Variants in ABCC10 observed in about 807,000 individuals in gnomAD.
ABCC10 encodes ATP-binding cassette sub-family C member 10.
ABCC10 carries 110 observed loss-of-function variants against 143.2 expected under a neutral mutation model. The observed-to-expected ratio is 0.77, with a 90% CI of 0.66 to 0.90. The LOEUF (loss-of-function observed/expected upper bound fraction) is 0.90, where lower values mean the gene tolerates loss of function less well. ABCC10 is among the 40% of genes least tolerant of loss of function. The pLI, the probability that ABCC10 is intolerant of heterozygous loss-of-function variation, is 0.00. For synonymous variants in ABCC10, 805 were observed against 846.7 expected (o/e 0.95, Z 0.85); for missense variants, 1,700 against 1,900.5 (o/e 0.89, Z 1.96).
chr6:43,449,313 T>G (rs1229927496), intron 20 of ABCC10, 109 bp downstream of exon 20: 29 of 1,502,576 alleles, frequency 1.9e-5, no homozygotes, highest in Non-Finnish European at 2.2e-5. Context: ...CATTTTCCTT[T>G]TAGAGCTGGA....
chr6:43,449,388 CCTT>C (rs1783505205), intron 20 of ABCC10, 31 bp from the exon 21 acceptor site: 1 of 1,583,384 alleles, frequency 6.3e-7, no homozygotes, highest in Admixed American at 1.7e-5. Flanking sequence ...GCCTCTCCTT[CCTT>C]CTTATCCCCT....
At chr6:43,451,892 C>G, downstream of ABCC10, 1 of 1,608,680 alleles carries the variant, frequency 6.2e-7, no homozygotes, top group Non-Finnish European at 8.5e-7. The surrounding 1 kb of genome is among the most constrained non-coding windows in gnomAD (Gnocchi z 4.4). Flanking sequence ...CATCCCATCA[C>G]CAGGTTCTGG....
intron 2 of ABCC10, among the ~76,000 whole-genome samples, chr6:43,429,372 T>TTTTGTGTGTGTGTG (rs1780869728): frequency 1.3e-4 from 13 of 98,244 alleles, no homozygotes; most frequent in African/African-American, 5.6e-4. Flanking sequence ...CTTTTCTTTC[T>TTTTGTGTGTGTGTG]TGTGTGTGTG....
At chr6:43,442,821 G>A (rs1223272616) in intron 9 of ABCC10, 149 bp from the exon 10 acceptor site, 1 of 670,262 alleles carries the variant, frequency 1.5e-6, no homozygotes, top group Non-Finnish European at 2.4e-6. Flanking sequence ...CTTGCCTGAA[G>A]GGATGTCCAC....
intron 2 of ABCC10, 127 bp downstream of exon 2, chr6:43,428,266 T>C: frequency 8.9e-7 from 1 of 1,118,126 alleles, no homozygotes. Context: ...GAATAAAATC[T>C]AAGCATTGCT....
rs769348913 is a variant in ABCC10, at chr6:43,447,806, G to A, written c.3828G>A (p.Leu1276=). 3 of 1,613,460 alleles carry A rather than the reference G, an allele frequency of 1.9e-6. No homozygotes were observed. The African/African-American group carries it at 4.0e-5, about 22-fold the overall frequency. Residue 1276 remains leucine (L), a synonymous_variant, in exon 18 of 22, where the codon TTG becomes TTA. Coordinates refer to ENST00000372530, the MANE Select transcript of ABCC10 (RefSeq NM_001198934.2). ...VTFCVQPGEK[L]GIVGRTGSGK... ...TCTGCGTGCAGCCTGGAGAGAAGTT[G>A]GGCATCGTGGGCCGCACAGGCTCCG...
chr6:43,448,225 T>C (rs1439780890), intron 18 of ABCC10: 3 of 524,770 alleles, frequency 5.7e-6, no homozygotes, highest in African/African-American at 3.8e-5. Context: ...CCCAAGATAC[T>C]GATCCCCTGA....
intron 7 of ABCC10, 32 bp from the exon 8 acceptor site, chr6:43,438,592 G>C (rs1478630696): frequency 1.2e-6 from 2 of 1,609,530 alleles, no homozygotes; most frequent in Non-Finnish European, 1.7e-6. Flanking sequence ...GAGGAGAGCT[G>C]GTCCTCATAT....
At chr6:43,442,308 G>T (rs906647380) in intron 9 of ABCC10, among the ~76,000 whole-genome samples, 1 of 152,072 alleles carries the variant, frequency 6.6e-6, no homozygotes, top group African/African-American at 2.4e-5. Flanking sequence ...AAGTTAGTTG[G>T]TGTAATCCTA....
At chr6:43,439,406 AT>A (rs11386275) in intron 8 of ABCC10, among the ~76,000 whole-genome samples, 10,704 of 148,256 alleles carry the variant, frequency 0.072, 512 homozygotes, top group Non-Finnish European at 0.11. Context: ...AAATTGATTA[AT>A]TTTTTTTTTT....
At chr6:43,451,182 C>T (rs146281594), downstream of ABCC10, 76 of 1,614,036 alleles carry the variant, frequency 4.7e-5, no homozygotes, top group African/African-American at 9.1e-4. This position sits in a 1 kb window ranked among gnomAD's most constrained non-coding sequence, Gnocchi z 4.4. Context: ...TACCTCACAG[C>T]GGGCACCCAC....
At chr6:43,437,808 A>G (rs1781911501) in intron 6 of ABCC10, 126 bp from the exon 7 acceptor site, 2 of 883,946 alleles carry the variant, frequency 2.3e-6, no homozygotes, top group Admixed American at 4.4e-5. Flanking sequence ...TTCCCTACAC[A>G]CTAAAGAAAG....
At chr6:43,441,279 C>T (rs897002878) in intron 8 of ABCC10, among the ~76,000 whole-genome samples, 1 of 151,908 alleles carries the variant, frequency 6.6e-6, no homozygotes, top group African/African-American at 2.4e-5. Context: ...AGATCGAGAC[C>T]ATCCTGGCTA....
intron 14 of ABCC10, 114 bp from the exon 15 acceptor site, chr6:43,445,485 T>G: frequency 7.3e-7 from 1 of 1,374,574 alleles, no homozygotes; most frequent in Non-Finnish European, 1.0e-6. Context: ...GATATTTTAG[T>G]CCTTCCCTAT....
intron 14 of ABCC10, 27 bp downstream of exon 14, chr6:43,445,341 G>C: frequency 6.2e-7 from 1 of 1,601,562 alleles, no homozygotes; most frequent in Non-Finnish European, 8.5e-7. Flanking sequence ...TCGGGGGTAG[G>C]GGAGTGCAGT....
chr6:43,444,991 C>G (rs1437969941), intron 13 of ABCC10, 53 bp downstream of exon 13: 1 of 1,584,334 alleles, frequency 6.3e-7, no homozygotes, highest in Non-Finnish European at 8.6e-7. Context: ...GGTCGCCAGG[C>G]AGGGAGTGAG....
At chr6:43,427,934 C>G in intron 1 of ABCC10, 34 bp from the exon 2 acceptor site, 1 of 1,608,214 alleles carries the variant, frequency 6.2e-7, no homozygotes, top group Non-Finnish European at 8.5e-7. Flanking sequence ...CGGCTGTTAC[C>G]CTGCACAGCC....
chr6:43,435,876 A>G lies in ABCC10; in HGVS notation c.1734A>G (p.Pro578=), dbSNP rs188880702. The part of the protein sequence containing the change: ...LDRIQLFLDL[P]NHNPQAYYSP... ...GGATCCAGCTTTTCCTCGACCTTCC[A>G]AACCACAACCCCCAGGCCTACTACA... is the stretch of plus-strand genomic sequence containing the variant. Residue 578 remains proline (P), a synonymous_variant, in exon 5 of 22, where the codon CCA becomes CCG. Coordinates refer to ENST00000372530, the MANE Select transcript of ABCC10 (RefSeq NM_001198934.2). The G allele has an allele frequency of 2.4e-5, 39 of 1,614,170 alleles. No individual in the cohort carries two copies. In the African/African-American group the frequency reaches 3.9e-4, roughly 16 times the overall value.
At position 43,446,391 on chromosome 6, in the gene ABCC10, C is replaced by A; in HGVS notation, c.3489C>A (p.Val1163=). 1 of 1,613,194 alleles carries A rather than the reference C, an allele frequency of 6.2e-7. No homozygotes were observed. The highest frequency in any genetic ancestry group is 8.5e-7 in the Non-Finnish European group (1 of 1,179,918). ...IRLQLMGAAV[V]SAIAGIALVQ... ...TACAGCTCATGGGGGCGGCAGTGGT[C>A]AGCGCTATCGCAGGCATCGCTCTGG... The change falls in exon 16 of 22, where the codon GTC becomes GTA. Residue 1163 remains valine, a synonymous_variant. Transcript: ENST00000372530.
Sources: gnomAD v4.1 joint callset for allele counts (sites outside exome capture counted in the v4.1 genomes callset) on GRCh38, gnomAD v4.1.1 for gene constraint, Gnocchi (gnomAD v3.1) non-coding constraint, MANE v1.5 for transcripts, NCBI Gene and HGNC (gene_info 2026-07-23, HGNC 2026-07-21) for gene names.